Variants in PHF21A observed in about 807,000 individuals in gnomAD.
PHF21A encodes the protein BHC80a.
PHF21A carries 11 observed loss-of-function variants against 82.5 expected under a neutral mutation model. The observed-to-expected ratio is 0.13, with a 90% CI of 0.08 to 0.22. The LOEUF is 0.22. Among genes scored for constraint, PHF21A ranks in the 10% least tolerant of loss-of-function variants. The pLI is 1.00. For synonymous variants in PHF21A, 297 were observed against 302.8 expected, an observed-to-expected ratio of 0.98 and a Z score of 0.20; for missense variants, 579 against 837.8, an observed-to-expected ratio of 0.69 and a Z score of 3.81.
intron 6 of PHF21A, among the ~76,000 whole-genome samples, chr11:46,053,183 T>C (rs181049397): frequency 6.6e-6 from 1 of 152,312 alleles, no homozygotes; most frequent in East Asian, 1.9e-4. Flanking sequence ...AATGTTTGGT[T>C]TCACAGAACA....
intron 6 of PHF21A, among the ~76,000 whole-genome samples, chr11:46,011,849 A>G (rs2095420320): frequency 1.3e-5 from 2 of 152,182 alleles, no homozygotes; most frequent in East Asian, 1.9e-4. Flanking sequence ...TATTCTCTCT[A>G]TGCAACACAA....
In PHF21A at chr11:46,007,293, T is replaced by C. The variant is rs574902774; in HGVS notation, c.154-27327A>G. Among the ~76,000 whole-genome samples the C allele has an allele frequency of 6.6e-5, 10 of 152,120 alleles. No homozygotes were observed. In the East Asian group the frequency reaches 1.9e-3, roughly 29 times the overall value. On this transcript the variant is annotated intron_variant, in intron 6 of 18. Transcript: ENST00000676320. ...ATCTGTGGCACTTTACAGAAGATACTTCCATCTACCTTTTTTCTTCTTCTT... is the reference window on the plus strand; with the variant it reads ...ATCTGTGGCACTTTACAGAAGATACCTCCATCTACCTTTTTTCTTCTTCTT...
chr11:45,969,764 G>C (rs563553259), intron 9 of PHF21A, 51 bp downstream of exon 9: 1 of 1,245,958 alleles, frequency 8.0e-7, no homozygotes, highest in South Asian at 1.2e-5. Flanking sequence ...GAGCCCATGA[G>C]GATTTCTGTC....
At chr11:46,077,424 A>G (rs1181499444) in intron 5 of PHF21A, among the ~76,000 whole-genome samples, 2 of 152,250 alleles carry the variant, frequency 1.3e-5, no homozygotes, top group African/African-American at 2.4e-5. Context: ...TTTAGATGAG[A>G]TACACAGAGC....
At chr11:45,960,636 A>G (rs1328266628) in intron 10 of PHF21A, among the ~76,000 whole-genome samples, 1 of 152,206 alleles carries the variant, frequency 6.6e-6, no homozygotes, top group East Asian at 1.9e-4. Flanking sequence ...AATACTGTGA[A>G]TATACTAAAT....
intron 3 of PHF21A, among the ~76,000 whole-genome samples, chr11:46,089,921 C>G (rs1276280734): frequency 1.3e-5 from 2 of 151,826 alleles, no homozygotes; most frequent in African/African-American, 4.8e-5. Flanking sequence ...CCCATAGCAC[C>G]CTCCTTCACA....
At chr11:46,084,660 CAT>C (rs2096834628) in intron 3 of PHF21A, among the ~76,000 whole-genome samples, 1 of 147,884 alleles carries the variant, frequency 6.8e-6, no homozygotes, top group Non-Finnish European at 1.5e-5. Flanking sequence ...CAGAAAGAGA[CAT>C]ATAACAACAG....
intron 6 of PHF21A, among the ~76,000 whole-genome samples, chr11:46,062,951 A>T (rs751530062): frequency 2.6e-5 from 4 of 152,204 alleles, no homozygotes; most frequent in Admixed American, 6.5e-5. Flanking sequence ...GGATTGACAG[A>T]AGGATGAGCG....
intron 10 of PHF21A, among the ~76,000 whole-genome samples, chr11:45,955,388 C>T (rs1373256571): frequency 1.3e-5 from 2 of 152,058 alleles, no homozygotes; most frequent in Non-Finnish European, 2.9e-5. Context: ...ATTTTAAAGT[C>T]CTGGATGCCC....
At chr11:45,960,164 T>C (rs2092984003) in intron 10 of PHF21A, among the ~76,000 whole-genome samples, 1 of 152,216 alleles carries the variant, frequency 6.6e-6, no homozygotes, top group African/African-American at 2.4e-5. Context: ...GACCCAGCAA[T>C]TTCTACTCCT....
intron 6 of PHF21A, among the ~76,000 whole-genome samples, chr11:46,019,134 A>C (rs1247552720): frequency 1.3e-5 from 2 of 151,912 alleles, no homozygotes; most frequent in Non-Finnish European, 2.9e-5. Flanking sequence ...CTCCATTTGC[A>C]AACTTTTGTG....
At chr11:46,120,566 G>A (rs1266705450) in intron 1 of PHF21A, 2 of 152,374 alleles carry the variant, frequency 1.3e-5, no homozygotes, top group Admixed American at 6.5e-5. Flanking sequence ...GGGCAGAGGG[G>A]AGGGGGGGGA....
intron 6 of PHF21A, among the ~76,000 whole-genome samples, chr11:46,003,112 G>A (rs1175603631): frequency 6.6e-6 from 1 of 152,086 alleles, no homozygotes. Context: ...GAGACATTCT[G>A]AGACTATAAA....
intron 6 of PHF21A, among the ~76,000 whole-genome samples, chr11:46,004,030 T>C (rs1040141269): frequency 1.3e-5 from 2 of 152,216 alleles, no homozygotes; most frequent in African/African-American, 4.8e-5. Context: ...AGAAAAGTGG[T>C]AATTTCAGAA....
chr11:46,011,566 T>C (rs1476512137), intron 6 of PHF21A, among the ~76,000 whole-genome samples: 1 of 152,228 alleles, frequency 6.6e-6, no homozygotes, highest in African/African-American at 2.4e-5. Context: ...TTTCTCGCTC[T>C]GGAAATCTAG....
intron 6 of PHF21A, among the ~76,000 whole-genome samples, chr11:46,061,114 G>C: frequency 6.6e-6 from 1 of 152,198 alleles, no homozygotes; most frequent in Non-Finnish European, 1.5e-5. Flanking sequence ...AGATCAGGTA[G>C]CTGTAGGTGT....
intron 6 of PHF21A, among the ~76,000 whole-genome samples, chr11:45,987,345 A>C (rs1023907864): frequency 6.6e-6 from 1 of 151,904 alleles, no homozygotes; most frequent in Non-Finnish European, 1.5e-5. Context: ...TAATCTGCAC[A>C]ATTTAGCTGT....
At chr11:46,103,872 TATAAG>T in intron 1 of PHF21A, among the ~76,000 whole-genome samples, 1 of 152,174 alleles carries the variant, frequency 6.6e-6, no homozygotes, top group African/African-American at 2.4e-5. Context: ...TGGTTTCACT[TATAAG>T]ATAGAGACAT....
At chr11:45,979,041 G>C (rs10769178) in intron 7 of PHF21A, among the ~76,000 whole-genome samples, 18,289 of 150,936 alleles carry the variant, frequency 0.12, 2,266 homozygotes, top group East Asian at 0.6. Flanking sequence ...TTTTGAGACG[G>C]AGTTTTGCTC....
Sources: gnomAD v4.1 joint callset for allele counts (sites outside exome capture counted in the v4.1 genomes callset) on GRCh38, gnomAD v4.1.1 for gene constraint, MANE v1.5 for transcripts, NCBI Gene and HGNC (gene_info 2026-07-23, HGNC 2026-07-21) for gene names.